Variants in KCNH8 observed in about 807,000 individuals in gnomAD.
KCNH8 encodes the protein potassium voltage-gated channel subfamily H member 8, also known as voltage-gated delayed rectifier potassium channel KCNH8.
In KCNH8, 70 loss-of-function variants were observed where a neutral mutation model predicts 103.6. The observed-to-expected ratio is 0.68, with a 90% CI of 0.56 to 0.82. KCNH8 has a LOEUF of 0.82. Among genes scored for constraint, KCNH8 ranks in the 40% least tolerant of loss-of-function variants. The pLI, the probability that KCNH8 is intolerant of heterozygous loss-of-function variation, is 0.00. For synonymous variants in KCNH8, 498 were observed against 489.4 expected (o/e 1.02, Z -0.23); for missense variants, 1,217 against 1,329.9 (o/e 0.92, Z 1.32).
intron 10 of KCNH8, among the ~76,000 whole-genome samples, chr3:19,451,937 C>T (rs1215477392): frequency 6.6e-6 from 1 of 152,098 alleles, no homozygotes; most frequent in Non-Finnish European, 1.5e-5. Context: ...AGAAAACTTA[C>T]AAGATATATT....
At chr3:19,407,348 AG>A (rs2066707642) in intron 7 of KCNH8, among the ~76,000 whole-genome samples, 2 of 152,114 alleles carry the variant, frequency 1.3e-5, no homozygotes, top group South Asian at 4.1e-4. Context: ...TTTATCTGCT[AG>A]AGGGATTTGG....
At chr3:19,526,492 G>C (rs906116979) in intron 15 of KCNH8, among the ~76,000 whole-genome samples, 1 of 151,880 alleles carries the variant, frequency 6.6e-6, no homozygotes, top group Admixed American at 6.6e-5. Flanking sequence ...TTTTTCTCTG[G>C]TCTGCATTAG....
At chr3:19,288,832 T>C (rs937536936) in intron 3 of KCNH8, among the ~76,000 whole-genome samples, 1 of 152,202 alleles carries the variant, frequency 6.6e-6, no homozygotes, top group Non-Finnish European at 1.5e-5. Context: ...TTGAACTAGT[T>C]TGCAGTCCCA....
At chr3:19,348,962 G>A (rs1446448062) in intron 5 of KCNH8, among the ~76,000 whole-genome samples, 2 of 151,808 alleles carry the variant, frequency 1.3e-5, no homozygotes, top group African/African-American at 4.8e-5. Flanking sequence ...GCTAGAGTGC[G>A]TTTTCTGGTT....
chr3:19,532,360 T>C (rs1473058916), intron 15 of KCNH8, among the ~76,000 whole-genome samples: 2 of 152,222 alleles, frequency 1.3e-5, no homozygotes, highest in African/African-American at 2.4e-5. Flanking sequence ...TGCTTATCTC[T>C]ACTTACGCAC....
intron 11 of KCNH8, among the ~76,000 whole-genome samples, chr3:19,475,034 A>T (rs762022279): frequency 2.0e-5 from 3 of 152,182 alleles, no homozygotes; most frequent in Admixed American, 6.5e-5. Flanking sequence ...TGTTCCTCCA[A>T]AGAATCTAAA....
chr3:19,278,963 A>T (rs2064716966), intron 2 of KCNH8, among the ~76,000 whole-genome samples: 1 of 152,148 alleles, frequency 6.6e-6, no homozygotes, highest in South Asian at 2.1e-4. Flanking sequence ...CAGTAATGAT[A>T]CTTGTCTGAG....
intron 3 of KCNH8, among the ~76,000 whole-genome samples, chr3:19,325,886 A>G (rs1224806721): frequency 2.0e-5 from 3 of 152,204 alleles, no homozygotes; most frequent in Non-Finnish European, 4.4e-5. Flanking sequence ...AGACATGCAC[A>G]TGTATGTTCA....
chr3:19,303,040 A>G (rs575979976), intron 3 of KCNH8, among the ~76,000 whole-genome samples: 3 of 152,286 alleles, frequency 2.0e-5, no homozygotes, highest in South Asian at 2.1e-4. Context: ...CCGAACCTCA[A>G]TCTGTTAGCT....
chr3:19,265,282 T>C (rs1227940230), intron 2 of KCNH8, among the ~76,000 whole-genome samples: 1 of 152,068 alleles, frequency 6.6e-6, no homozygotes, highest in African/African-American at 2.4e-5. Context: ...TCAGCACACA[T>C]TATCAGGAAC....
intron 5 of KCNH8, among the ~76,000 whole-genome samples, chr3:19,349,069 C>T (rs986282677): frequency 3.8e-4 from 58 of 151,792 alleles, no homozygotes; most frequent in African/African-American, 1.3e-3. Context: ...CCTTCAGAGC[C>T]TTGATAGGAC....
intron 8 of KCNH8, among the ~76,000 whole-genome samples, chr3:19,447,866 C>T (rs1022700156): frequency 2.6e-5 from 4 of 151,956 alleles, no homozygotes; most frequent in Non-Finnish European, 4.4e-5. Flanking sequence ...ATATTTTTGA[C>T]CTGTTGGGAA....
At chr3:19,348,087 C>A (rs2065752050) in intron 5 of KCNH8, 122 bp downstream of exon 5, 2 of 1,205,818 alleles carry the variant, frequency 1.7e-6, no homozygotes, top group Non-Finnish European at 2.3e-6. Context: ...GCCTCTGTTG[C>A]AAATTTTGGA....
intron 5 of KCNH8, among the ~76,000 whole-genome samples, chr3:19,366,792 T>G (rs560609371): frequency 2.0e-5 from 3 of 152,198 alleles, no homozygotes; most frequent in Admixed American, 6.6e-5. Flanking sequence ...TTCCCGTCAC[T>G]CCAATAGTTT....
At chr3:19,533,281 A>C (rs1002050879) in intron 15 of KCNH8, 114 bp from the exon 16 acceptor site, 80 of 672,532 alleles carry the variant, frequency 1.2e-4, no homozygotes, top group Non-Finnish European at 1.6e-4. Context: ...AGAATAAATA[A>C]GTAGGAATAA....
At chr3:19,390,342 C>T (rs958294448) in intron 5 of KCNH8, 139 bp from the exon 6 acceptor site, 33 of 649,774 alleles carry the variant, frequency 5.1e-5, no homozygotes, top group African/African-American at 7.4e-5. Context: ...TAATTTTCTA[C>T]GATTTTCTTC....
At chr3:19,272,688 G>A (rs567825728) in intron 2 of KCNH8, among the ~76,000 whole-genome samples, 141 of 152,150 alleles carry the variant, frequency 9.3e-4, no homozygotes, top group South Asian at 5.8e-3. Context: ...ATATTCAAAA[G>A]CAACATTAAG....
At chr3:19,158,004 C>T (rs1180614414) in intron 1 of KCNH8, among the ~76,000 whole-genome samples, 1 of 151,302 alleles carries the variant, frequency 6.6e-6, no homozygotes, top group Non-Finnish European at 1.5e-5. Context: ...TTTGAAATTA[C>T]TATTATTATT....
chr3:19,498,429 G>A (rs1575143286), intron 11 of KCNH8, among the ~76,000 whole-genome samples: 1 of 152,238 alleles, frequency 6.6e-6, no homozygotes, highest in Non-Finnish European at 1.5e-5. Context: ...CCTCTTGTAA[G>A]GCAGGCATGG....
Sources: gnomAD v4.1 joint callset for allele counts (sites outside exome capture counted in the v4.1 genomes callset) on GRCh38, gnomAD v4.1.1 for gene constraint, MANE v1.5 for transcripts, NCBI Gene and HGNC (gene_info 2026-07-23, HGNC 2026-07-21) for gene names.